GRIN2A: variants seen among roughly 807,000 people sequenced by gnomAD.
GRIN2A encodes the protein glutamate ionotropic receptor NMDA type subunit 2A.
In GRIN2A, 22 loss-of-function variants were observed where a neutral mutation model predicts 113.4. That is an observed-to-expected ratio of 0.19 (90% CI 0.14 to 0.28). The LOEUF is 0.28. Ranked by LOEUF, GRIN2A falls within the 10% of genes least tolerant of loss-of-function variation. The probability of loss-of-function intolerance (pLI) is 1.00; values close to 1 mark genes in which losing one functional copy is unlikely to be tolerated. For synonymous variants in GRIN2A, 827 were observed against 738.4 expected, an observed-to-expected ratio of 1.12 and a Z score of -1.94; for missense variants, 1,502 against 1,887.0, an observed-to-expected ratio of 0.80 and a Z score of 3.78.
chr16:10,020,982 C>G (rs527751737), intron 2 of GRIN2A, among the ~76,000 whole-genome samples: 21 of 152,182 alleles, frequency 1.4e-4, no homozygotes, highest in Non-Finnish European at 2.2e-4. Context: ...ACTTCTCCCT[C>G]TCACCTCCAA....
intron 2 of GRIN2A, among the ~76,000 whole-genome samples, chr16:10,053,061 A>AC (rs968370210): frequency 2.0e-5 from 3 of 151,880 alleles, no homozygotes; most frequent in African/African-American, 7.3e-5. Context: ...AAAAAAAAAA[A>AC]AATACAGACA....
chr16:9,947,773 T>C (rs569381151), intron 2 of GRIN2A, among the ~76,000 whole-genome samples: 211 of 152,088 alleles, frequency 1.4e-3, no homozygotes, highest in African/African-American at 3.8e-3. Flanking sequence ...GCTCTGAGGC[T>C]CCATTTTCTC....
chr16:9,998,774 C>T (rs1422925187), intron 2 of GRIN2A, among the ~76,000 whole-genome samples: 1 of 151,922 alleles, frequency 6.6e-6, no homozygotes, highest in Non-Finnish European at 1.5e-5. Flanking sequence ...CTCCCCCTTG[C>T]CTTCCTCTCC....
chr16:9,942,272 A>C (rs2044899419), intron 2 of GRIN2A, among the ~76,000 whole-genome samples: 1 of 151,540 alleles, frequency 6.6e-6, no homozygotes, highest in Non-Finnish European at 1.5e-5. Flanking sequence ...TTAAGTTCAG[A>C]CTCCCTAGCC....
At chr16:10,122,828 T>C (rs1161173603) in intron 2 of GRIN2A, among the ~76,000 whole-genome samples, 2 of 152,100 alleles carry the variant, frequency 1.3e-5, no homozygotes, top group Non-Finnish European at 2.9e-5. Flanking sequence ...AATCATCATC[T>C]ATGCAACCAC....
chr16:10,065,513 A>C (rs2047632789), intron 2 of GRIN2A, among the ~76,000 whole-genome samples: 1 of 152,206 alleles, frequency 6.6e-6, no homozygotes, highest in Non-Finnish European at 1.5e-5. Flanking sequence ...GCATGTTTAA[A>C]TCTCTGTCAT....
intron 3 of GRIN2A, among the ~76,000 whole-genome samples, chr16:9,924,110 CAAAAAAAAAAAAAAAAAAAA>C (rs921695456): frequency 5.5e-5 from 1 of 18,220 alleles, no homozygotes; most frequent in African/African-American, 1.3e-4. Context: ...GACTTGGTCT[CAAAAAAAAAAAAAAAAAAAA>C]AAAAAAAAAC....
At chr16:9,974,886 A>G (rs1374264033) in intron 2 of GRIN2A, among the ~76,000 whole-genome samples, 1 of 152,184 alleles carries the variant, frequency 6.6e-6, no homozygotes, top group African/African-American at 2.4e-5. Context: ...GCTGAATAGA[A>G]GTGGTGAGAT....
Position 10,180,694 on chromosome 16 carries a change from C to T in GRIN2A, c.-18-265G>A, listed in dbSNP as rs924651395. ...AGCTTCCTCATCCCCTGTCTCCAGG[C>T]ACTTCCCCATCCCCATCTCTGTCCA... is the stretch of plus-strand genomic sequence containing the variant. On this transcript the variant is annotated intron_variant, in intron 1 of 12. Transcript: ENST00000330684. This position sits in a 1 kb window ranked among gnomAD's most constrained non-coding sequence, Gnocchi z 7.0. The T allele has an allele frequency of 1.0e-5, 6 of 585,482 alleles. No individual in the cohort carries two copies. Among genetic ancestry groups the T allele is most frequent in the African/African-American group, 7.5e-5 (4 of 53,530 alleles). The allele number at this position is 585,482 out of a possible 1,614,324, so 36.3% of individuals were successfully genotyped here.
intron 2 of GRIN2A, among the ~76,000 whole-genome samples, chr16:9,964,160 C>T (rs746838215): frequency 6.6e-6 from 1 of 152,184 alleles, no homozygotes; most frequent in Non-Finnish European, 1.5e-5. Context: ...TCCTTGAAGG[C>T]ATGTGTGCAA....
At chr16:10,153,645 G>C (rs1034860188) in intron 2 of GRIN2A, among the ~76,000 whole-genome samples, 7 of 152,134 alleles carry the variant, frequency 4.6e-5, no homozygotes, top group African/African-American at 1.7e-4. Context: ...AAATTTTGTA[G>C]CCAGAGCTAA....
At chr16:9,920,796 C>T (rs1268229996) in intron 3 of GRIN2A, among the ~76,000 whole-genome samples, 4 of 152,086 alleles carry the variant, frequency 2.6e-5, no homozygotes, top group Admixed American at 2.6e-4. Context: ...CTCGTGATCC[C>T]CCTGCCTCGG....
intron 2 of GRIN2A, among the ~76,000 whole-genome samples, chr16:10,153,208 G>T (rs77726037): frequency 1.8e-4 from 28 of 152,252 alleles, no homozygotes; most frequent in African/African-American, 6.3e-4. Flanking sequence ...TGTAGGGCAG[G>T]GGGTATTTGG....
At chr16:9,819,247 T>C (rs2042237687) in intron 10 of GRIN2A, among the ~76,000 whole-genome samples, 1 of 152,176 alleles carries the variant, frequency 6.6e-6, no homozygotes, top group Admixed American at 6.5e-5. Flanking sequence ...AGGCTGGGCA[T>C]AGTGACTCAC....
intron 2 of GRIN2A, among the ~76,000 whole-genome samples, chr16:10,078,105 G>A (rs1156839748): frequency 5.3e-5 from 8 of 152,148 alleles, no homozygotes; most frequent in African/African-American, 7.2e-5. Flanking sequence ...CCAGCTGTGC[G>A]GTTTATTGCA....
chr16:9,983,834 G>A (rs532290699), intron 2 of GRIN2A, among the ~76,000 whole-genome samples: 1 of 152,222 alleles, frequency 6.6e-6, no homozygotes, highest in South Asian at 2.1e-4. Context: ...CAATGTCTTG[G>A]CCCCTGTGAA....
At chr16:10,153,112 T>C (rs2049618208) in intron 2 of GRIN2A, among the ~76,000 whole-genome samples, 1 of 152,212 alleles carries the variant, frequency 6.6e-6, no homozygotes, top group South Asian at 2.1e-4. Context: ...TGTGTCCATG[T>C]AGGCCTATCA....
intron 2 of GRIN2A, among the ~76,000 whole-genome samples, chr16:10,048,652 C>T (rs1215534286): frequency 6.6e-6 from 1 of 152,144 alleles, no homozygotes; most frequent in African/African-American, 2.4e-5. Flanking sequence ...CTAACATAGC[C>T]CAGGTCTGTG....
rs191926691 is a variant in GRIN2A at position 9,822,146 on chromosome 16, C to A, written c.2168+118G>T. ...GCCCTCAACTGGGGCCCATCTGGAC[C>A]ACAGTCACTCTCCAGAAATACAATG... is the stretch of plus-strand genomic sequence containing the variant. On this transcript the variant is annotated intron_variant, in intron 10 of 12. Transcript: ENST00000330684. 6.4e-6 allele frequency: 7 copies of A among 1,096,876 alleles called. No individual in the cohort carries two copies. In the African/African-American group the frequency reaches 7.7e-5, roughly 12 times the overall value. 67.9% of individuals were successfully genotyped at this position (1,096,876 alleles called of 1,614,324 possible).
Sources: gnomAD v4.1 joint callset for allele counts (sites outside exome capture counted in the v4.1 genomes callset) on GRCh38, gnomAD v4.1.1 for gene constraint, Gnocchi (gnomAD v3.1) non-coding constraint, MANE v1.5 for transcripts, NCBI Gene and HGNC (gene_info 2026-07-23, HGNC 2026-07-21) for gene names.